Variants in MTUS1 observed in about 807,000 individuals in gnomAD.
The protein encoded by MTUS1 is microtubule-associated tumor suppressor 1.
MTUS1 carries 109 observed loss-of-function variants against 120.8 expected under a neutral mutation model. That is an observed-to-expected ratio of 0.90 (90% CI 0.77 to 1.06). MTUS1 has a LOEUF of 1.06. Among genes scored for constraint, MTUS1 ranks in the 50% least tolerant of loss-of-function variants. MTUS1 has a pLI of 0.00. For missense variants in MTUS1, 2,210 were observed against 1,486.3 expected, an observed-to-expected ratio of 1.49 and a Z score of -8.01; for synonymous variants, 737 against 550.5, an observed-to-expected ratio of 1.34 and a Z score of -4.74.
chr8:17,660,214 A>T (rs184866405), intron 8 of MTUS1, among the ~76,000 whole-genome samples: 1 of 152,178 alleles, frequency 6.6e-6, no homozygotes, highest in East Asian at 1.9e-4. Flanking sequence ...CTCTAGTAAA[A>T]ATACAAAAAT....
Position 17,645,850 on chromosome 8 carries a change from C to G in MTUS1, c.*76G>C, listed in dbSNP as rs1805661391. 6.6e-7 allele frequency: 1 copy of G among 1,519,524 alleles called. No individual in the cohort carries two copies. Among genetic ancestry groups the G allele is most frequent in the South Asian group, 1.3e-5 (1 of 77,120 alleles). 94.1% of individuals were successfully genotyped at this position (1,519,524 alleles called of 1,614,324 possible). A position where few individuals can be genotyped will look rare whatever the true frequency, so the allele number is the denominator to read the frequency against. On this transcript the variant is annotated 3_prime_UTR_variant, in exon 15 of 15. Coordinates refer to ENST00000693296, the MANE Select transcript of MTUS1 (RefSeq NM_001363059.2). The stretch of plus-strand genomic sequence containing the variant: ...CGTGTGCTGATATACCTCTTGTGCC[C>G]ACGTTCCTCCTTGGGGTCAGTCCTG...
intron 5 of MTUS1, among the ~76,000 whole-genome samples, chr8:17,714,963 T>C (rs965255181): frequency 7.7e-6 from 1 of 129,688 alleles, no homozygotes; most frequent in African/African-American, 2.9e-5. Flanking sequence ...GGGAGTGCAG[T>C]GGCGCGATCT....
At position 17,655,938 on chromosome 8, in the gene MTUS1, GTAAAAC is replaced by G; in HGVS notation, c.3027_3032del (p.Glu1009_Tyr1011delinsAsp). The G allele has an allele frequency of 1.2e-6, 2 of 1,614,222 alleles. No individual in the cohort carries two copies. The highest frequency in any genetic ancestry group is 1.7e-6 in the Non-Finnish European group (2 of 1,180,040). On this transcript the variant is annotated inframe_deletion, in exon 9 of 15. Coordinates refer to ENST00000693296, the MANE Select transcript of MTUS1 (RefSeq NM_001363059.2). ...CCCGAAGCTTTTCATACTCCCTGGT[GTAAAAC>G]TCTTTAAGCCGATTCTCTCGTTCTG...
At chr8:17,782,611 G>T (rs563362376) in intron 1 of MTUS1, among the ~76,000 whole-genome samples, 1 of 152,182 alleles carries the variant, frequency 6.6e-6, no homozygotes. Flanking sequence ...ATACATTTAT[G>T]TATTTCATAT....
At chr8:17,795,767 G>A (rs570272633) in intron 1 of MTUS1, among the ~76,000 whole-genome samples, 3 of 151,690 alleles carry the variant, frequency 2.0e-5, no homozygotes, top group Non-Finnish European at 2.9e-5. Context: ...AGCCTCCCAC[G>A]TAGCGGGGAT....
At chr8:17,744,689 C>CTTTTTTTTTTTTTTTTTTTTTTTT (rs58283163) in intron 2 of MTUS1, among the ~76,000 whole-genome samples, 8 of 99,024 alleles carry the variant, frequency 8.1e-5, no homozygotes, top group East Asian at 3.0e-4. Flanking sequence ...ACCATGTTTT[C>CTTTTTTTTTTTTTTTTTTTTTTTT]TTTTTTTTTT....
intron 1 of MTUS1, among the ~76,000 whole-genome samples, chr8:17,773,870 C>T (rs2050196732): frequency 6.6e-6 from 1 of 152,112 alleles, no homozygotes; most frequent in Non-Finnish European, 1.5e-5. Flanking sequence ...CAGATCTACA[C>T]ATGCATGGAT....
intron 1 of MTUS1, among the ~76,000 whole-genome samples, chr8:17,760,135 G>A (rs2048927621): frequency 6.6e-6 from 1 of 150,808 alleles, no homozygotes; most frequent in South Asian, 2.1e-4. Context: ...AGGATCACCT[G>A]GGCCCAGTAG....
intron 1 of MTUS1, among the ~76,000 whole-genome samples, chr8:17,793,088 C>A (rs1212179915): frequency 1.3e-5 from 2 of 152,098 alleles, no homozygotes; most frequent in South Asian, 4.1e-4. Context: ...TTTCTCTAAA[C>A]AGAAAACAGC....
chr8:17,758,753 G>A (rs766933162), intron 1 of MTUS1, among the ~76,000 whole-genome samples: 1 of 152,154 alleles, frequency 6.6e-6, no homozygotes, highest in Non-Finnish European at 1.5e-5. Context: ...CGTGGGAACT[G>A]TCTTTGTAAA....
chr8:17,669,329 A>G (rs533034190), intron 8 of MTUS1, among the ~76,000 whole-genome samples: 6 of 152,240 alleles, frequency 3.9e-5, no homozygotes, highest in African/African-American at 1.2e-4. Context: ...AGGAGAGTGC[A>G]CTCCAGGCAG....
intron 12 of MTUS1, 38 bp downstream of exon 12, chr8:17,653,148 A>G (rs1807394065): frequency 3.9e-6 from 5 of 1,267,820 alleles, no homozygotes; most frequent in Non-Finnish European, 4.4e-6. Context: ...AACTGAGAAG[A>G]AAAATTCCAT....
intron 10 of MTUS1, 145 bp from the exon 11 acceptor site, chr8:17,653,643 G>A (rs959788158): frequency 1.9e-5 from 12 of 618,832 alleles, no homozygotes; most frequent in Admixed American, 3.5e-5. Flanking sequence ...TATGTAAATT[G>A]GCCATCTGTT....
intron 6 of MTUS1, among the ~76,000 whole-genome samples, chr8:17,699,193 A>T (rs987785116): frequency 1.3e-5 from 2 of 152,050 alleles, no homozygotes; most frequent in African/African-American, 4.8e-5. Flanking sequence ...AGTAACAGCA[A>T]ATTCTAAATT....
At chr8:17,699,390 T>C (rs1395614333) in intron 6 of MTUS1, among the ~76,000 whole-genome samples, 1 of 152,092 alleles carries the variant, frequency 6.6e-6, no homozygotes, top group Non-Finnish European at 1.5e-5. Context: ...AATTTTTGTA[T>C]TTTTAGTAGA....
chr8:17,683,692 C>T (rs1815112031), intron 7 of MTUS1, among the ~76,000 whole-genome samples: 1 of 151,954 alleles, frequency 6.6e-6, no homozygotes, highest in Non-Finnish European at 1.5e-5. Flanking sequence ...ATCAGTTGCC[C>T]CCTGAGATAA....
intron 5 of MTUS1, among the ~76,000 whole-genome samples, chr8:17,714,544 G>A (rs1025498424): frequency 2.0e-5 from 3 of 152,124 alleles, no homozygotes; most frequent in Admixed American, 1.3e-4. Context: ...ATAAAAGTCA[G>A]AAGTTGCCCA....
At chr8:17,739,317 A>C (rs2131235810) in intron 3 of MTUS1, among the ~76,000 whole-genome samples, 1 of 152,020 alleles carries the variant, frequency 6.6e-6, no homozygotes, top group South Asian at 2.1e-4. Flanking sequence ...AACATGGAGA[A>C]ACCCTATCTC....
chr8:17,763,423 A>G (rs1009921816), intron 1 of MTUS1, among the ~76,000 whole-genome samples: 10 of 152,358 alleles, frequency 6.6e-5, no homozygotes, highest in East Asian at 1.9e-4. Context: ...TGTTGTTTCC[A>G]TACCACTTCG....
Sources: allele counts gnomAD v4.1 joint callset (sites outside exome capture counted in the v4.1 genomes callset), GRCh38; gene constraint gnomAD v4.1.1; transcripts MANE v1.5; gene names NCBI Gene and HGNC (gene_info 2026-07-23, HGNC 2026-07-21).